Variants in TAFA5 observed in about 807,000 individuals in gnomAD.
TAFA5 encodes the protein chemokine-like protein TAFA-5.
TAFA5 carries 6 observed loss-of-function variants against 15.3 expected under a neutral mutation model. The ratio of observed to expected loss-of-function variants is 0.39; its 90% CI spans 0.21 to 0.77. The LOEUF (loss-of-function observed/expected upper bound fraction) is 0.77. TAFA5 is among the 30% of genes least tolerant of loss of function. The pLI, the probability that TAFA5 is intolerant of heterozygous loss-of-function variation, is 0.41. For missense variants in TAFA5, 161 were observed against 193.1 expected (o/e 0.83, Z 0.98); for synonymous variants, 103 against 80.7 (o/e 1.28, Z -1.48).
rs947927942 is a variant in TAFA5 at position 48,742,266 on chromosome 22, A to G, written c.391-7573A>G. ...AGGCCCCTCATCCTTCACCAGGCACAGGTGCACGGGGCCCCTGCCAGGTTC... is the reference window on the plus strand; with the variant it reads ...AGGCCCCTCATCCTTCACCAGGCACGGGTGCACGGGGCCCCTGCCAGGTTC... On this transcript the variant is annotated intron_variant, in intron 3 of 3. Transcript: ENST00000402357. This position sits in a 1 kb window ranked among gnomAD's most constrained non-coding sequence, Gnocchi z 6.2. 6.6e-6 allele frequency among the ~76,000 whole-genome samples: 1 copy of G among 151,518 alleles called. No homozygotes were observed. The highest frequency in any genetic ancestry group is 1.5e-5 in the Non-Finnish European group (1 of 67,920).
chr22:48,527,127 C>A (rs1231651696), intron 1 of TAFA5, among the ~76,000 whole-genome samples: 1 of 152,254 alleles, frequency 6.6e-6, no homozygotes, highest in Non-Finnish European at 1.5e-5. Context: ...CCCTTGCTGG[C>A]CTCCCCTGGG....
chr22:48,566,524 G>C lies in TAFA5; in HGVS notation c.112+76820G>C, dbSNP rs531780032. Among the ~76,000 whole-genome samples, 53 of 152,286 alleles carry C rather than the reference G, an allele frequency of 3.5e-4. No individual in the cohort carries two copies. Among genetic ancestry groups the C allele is most frequent in the Admixed American group, 1.5e-3 (23 of 15,294 alleles). On this transcript the variant is annotated intron_variant, in intron 1 of 3. Coordinates refer to ENST00000402357, the MANE Select transcript of TAFA5 (RefSeq NM_001082967.3). The surrounding 1 kb of genome is among the most constrained non-coding windows in gnomAD (Gnocchi z 4.5). ...TGTACAGATGGACAAATGGGTGAGT[G>C]GAAAGATGAAGGGGCCTATGAGGAT...
At chr22:48,658,272 C>T (rs11914099) in intron 2 of TAFA5, among the ~76,000 whole-genome samples, 2,347 of 152,266 alleles carry the variant, frequency 0.015, 58 homozygotes, top group African/African-American at 0.053. Flanking sequence ...CTTACGACTG[C>T]TGCGTTCCTA....
chr22:48,736,954 T>C (rs1468332227), intron 3 of TAFA5, among the ~76,000 whole-genome samples: 1 of 152,210 alleles, frequency 6.6e-6, no homozygotes, highest in Non-Finnish European at 1.5e-5. Context: ...GCAAATTTTA[T>C]TGTATGTGAA....
intron 1 of TAFA5, among the ~76,000 whole-genome samples, chr22:48,597,244 C>A (rs897404162): frequency 2.0e-5 from 3 of 152,218 alleles, no homozygotes; most frequent in East Asian, 1.9e-4. Context: ...ACACCTGCTG[C>A]CCCCTTCACC....
intron 2 of TAFA5, among the ~76,000 whole-genome samples, chr22:48,695,147 A>G (rs1327370397): frequency 1.8e-4 from 27 of 151,652 alleles, no homozygotes; most frequent in Admixed American, 1.6e-3. Flanking sequence ...GTGCTTGTGC[A>G]TTTGTGTATG....
intron 1 of TAFA5, among the ~76,000 whole-genome samples, chr22:48,610,224 G>A (rs530939622): frequency 5.3e-5 from 8 of 152,132 alleles, no homozygotes; most frequent in South Asian, 2.1e-4. Flanking sequence ...CTGCAGGCAC[G>A]TTCCTGAGGG....
At chr22:48,702,662 G>A (rs116849736) in intron 2 of TAFA5, among the ~76,000 whole-genome samples, 3 of 152,180 alleles carry the variant, frequency 2.0e-5, no homozygotes, top group South Asian at 2.1e-4. Context: ...CGTCACTCAC[G>A]CTACCTCAGG....
At chr22:48,542,661 GGT>G (rs1438438667) in intron 1 of TAFA5, among the ~76,000 whole-genome samples, 4 of 130,592 alleles carry the variant, frequency 3.1e-5, no homozygotes, top group African/African-American at 1.2e-4. Flanking sequence ...GTGTGTGTGT[GGT>G]GTGTGTGTGA....
intron 2 of TAFA5, among the ~76,000 whole-genome samples, chr22:48,695,806 C>T (rs897615916): frequency 6.6e-5 from 10 of 152,166 alleles, no homozygotes; most frequent in African/African-American, 1.2e-4. Context: ...AAAAAATAGG[C>T]GGGCCCTCTG....
chr22:48,513,003 A>G lies in TAFA5; in HGVS notation c.112+23299A>G, dbSNP rs148164470. Among the ~76,000 whole-genome samples the G allele has an allele frequency of 3.2e-3, 481 of 150,826 alleles. 1 individual carries two copies. The highest frequency in any genetic ancestry group is 4.7e-3 in the Non-Finnish European group (320 of 67,840). ...GAAAGTAACAACATTTGAAATAAGG[A>G]TGGTACCAAACCTAGACTGGTTTGT... is the stretch of plus-strand genomic sequence containing the variant. On this transcript the variant is annotated intron_variant, in intron 1 of 3. Transcript: ENST00000402357.
At chr22:48,599,453 AGGATG>A (rs1461274145) in intron 1 of TAFA5, among the ~76,000 whole-genome samples, 24 of 152,248 alleles carry the variant, frequency 1.6e-4, no homozygotes, top group African/African-American at 5.8e-4. Context: ...ACAGGCCCAC[AGGATG>A]CTGGTTGTGG....
In TAFA5 at chr22:48,682,696, G is replaced by A. The variant is rs993473058; in HGVS notation, c.263-25021G>A. 2.1e-4 allele frequency among the ~76,000 whole-genome samples: 32 copies of A among 152,084 alleles called. 1 individual carries two copies. The highest frequency in any genetic ancestry group is 1.4e-3 in the East Asian group (7 of 5,174). On this transcript the variant is annotated intron_variant, in intron 2 of 3. Transcript: ENST00000402357. ...GTCGCTGTATTGACAAAAGCCTGAC[G>A]GCATTTGCATATTACCCAGAAGCAC...
At chr22:48,686,647 G>T (rs1259953477) in intron 2 of TAFA5, among the ~76,000 whole-genome samples, 1 of 152,034 alleles carries the variant, frequency 6.6e-6, no homozygotes, top group African/African-American at 2.4e-5. Context: ...TGGATGGACA[G>T]GTGGATTGAT....
chr22:48,659,696 G>T (rs911988676), intron 2 of TAFA5, among the ~76,000 whole-genome samples: 1 of 152,242 alleles, frequency 6.6e-6, no homozygotes, highest in Admixed American at 6.5e-5. Flanking sequence ...TGTGCTGGGG[G>T]TGGCAGCAGG....
At chr22:48,546,712 C>T (rs1294447221) in intron 1 of TAFA5, 2 of 420,264 alleles carry the variant, frequency 4.8e-6, no homozygotes, top group African/African-American at 2.0e-5. Flanking sequence ...TCCAGGTGCC[C>T]AGCACTCATG....
At position 48,634,810 on chromosome 22, in the gene TAFA5, C is replaced by T. The variant is rs574156486; in HGVS notation, c.113-11787C>T. 3.9e-5 allele frequency among the ~76,000 whole-genome samples: 6 copies of T among 152,396 alleles called. 1 individual carries two copies. In the South Asian group the frequency reaches 1.2e-3, roughly 32 times the overall value. ...TCACTCATTCACTGTCTCATGCACT[C>T]ACGCAATCCTTCCTTCATCTGCCTT... On this transcript the variant is annotated intron_variant, in intron 1 of 3. Coordinates refer to ENST00000402357, the MANE Select transcript of TAFA5 (RefSeq NM_001082967.3).
At chr22:48,643,187 C>T (rs1488144943) in intron 1 of TAFA5, among the ~76,000 whole-genome samples, 1 of 152,246 alleles carries the variant, frequency 6.6e-6, no homozygotes, top group African/African-American at 2.4e-5. Flanking sequence ...ATCTCAGATG[C>T]ACGGCCTCCA....
intron 1 of TAFA5, among the ~76,000 whole-genome samples, chr22:48,500,765 G>A (rs1920947392): frequency 6.6e-6 from 1 of 152,222 alleles, no homozygotes; most frequent in Non-Finnish European, 1.5e-5. Flanking sequence ...AACCCAGCCT[G>A]CCGTCGCCGC....
Sources: gnomAD v4.1 joint callset for allele counts (sites outside exome capture counted in the v4.1 genomes callset) on GRCh38, gnomAD v4.1.1 for gene constraint, Gnocchi (gnomAD v3.1) non-coding constraint, MANE v1.5 for transcripts, NCBI Gene and HGNC (gene_info 2026-07-23, HGNC 2026-07-21) for gene names.